MCUB: variants seen among roughly 807,000 people sequenced by gnomAD.
MCUB encodes the protein mitochondrial calcium uniporter dominant negative subunit beta, also known as calcium uniporter regulatory subunit MCUb, mitochondrial.
A neutral mutation model predicts 41.4 loss-of-function variants in MCUB; 46 were observed. The ratio of observed to expected loss-of-function variants is 1.11; its 90% confidence interval spans 0.88 to 1.42. The LOEUF (loss-of-function observed/expected upper bound fraction) is 1.42, where lower values mean the gene tolerates loss of function less well. Among genes scored for constraint, MCUB ranks in the 40% most tolerant of loss-of-function variants. The probability of loss-of-function intolerance (pLI) is 0.00; values close to 1 mark genes in which losing one functional copy is unlikely to be tolerated. For missense variants in MCUB, 403 were observed against 404.9 expected, an observed-to-expected ratio of 1.00 and a Z score of 0.04; for synonymous variants, 148 against 148.2, an observed-to-expected ratio of 1.00 and a Z score of 0.01.
At chr4:109,643,327 G>T (rs1179336186) in intron 1 of MCUB, among the ~76,000 whole-genome samples, 1 of 150,252 alleles carries the variant, frequency 6.7e-6, no homozygotes, top group African/African-American at 2.5e-5. Flanking sequence ...TGGGATTACA[G>T]GTGTGCACTA....
At chr4:109,644,209 G>T (rs1349276000) in intron 1 of MCUB, among the ~76,000 whole-genome samples, 5 of 152,128 alleles carry the variant, frequency 3.3e-5, no homozygotes, top group African/African-American at 1.2e-4. Flanking sequence ...AAATAGAACA[G>T]ATTTTTTCAA....
chr4:109,638,889 AGATT>A (rs1728654090), intron 1 of MCUB, among the ~76,000 whole-genome samples: 2 of 152,148 alleles, frequency 1.3e-5, no homozygotes, highest in South Asian at 4.1e-4. Context: ...TTTTATTATG[AGATT>A]GCAGCAATTC....
chr4:109,618,224 C>T (rs1032529395), intron 1 of MCUB, among the ~76,000 whole-genome samples: 5 of 152,306 alleles, frequency 3.3e-5, no homozygotes, highest in African/African-American at 4.8e-5. Context: ...CCTTCTTCCC[C>T]GCTCTATCTC....
intron 1 of MCUB, among the ~76,000 whole-genome samples, chr4:109,649,463 C>T (rs1029450): frequency 1.3e-5 from 2 of 151,896 alleles, no homozygotes; most frequent in East Asian, 1.9e-4. Flanking sequence ...TTTCAGTAAA[C>T]ATGTTTTAGT....
intron 1 of MCUB, among the ~76,000 whole-genome samples, chr4:109,576,247 A>G (rs61488031): frequency 0.019 from 2,851 of 152,318 alleles, 78 homozygotes; most frequent in African/African-American, 0.064. Context: ...AAATCCTTCT[A>G]TGTAGTCTCC....
chr4:109,618,396 A>G (rs565935818), intron 1 of MCUB, among the ~76,000 whole-genome samples: 26 of 152,282 alleles, frequency 1.7e-4, no homozygotes, highest in African/African-American at 6.0e-4. Context: ...TCACCTCAGT[A>G]ATGCTCTTAC....
At chr4:109,606,210 G>A (rs1054682753) in intron 1 of MCUB, among the ~76,000 whole-genome samples, 1 of 152,018 alleles carries the variant, frequency 6.6e-6, no homozygotes, top group African/African-American at 2.4e-5. Context: ...TCCTGACCTC[G>A]TGATCCACCC....
chr4:109,587,744 A>G (rs578019322), intron 1 of MCUB, among the ~76,000 whole-genome samples: 80 of 152,356 alleles, frequency 5.3e-4, no homozygotes, highest in Non-Finnish European at 7.8e-4. Flanking sequence ...TAAGTGTTGC[A>G]TAAGTATTGA....
intron 4 of MCUB, among the ~76,000 whole-genome samples, chr4:109,668,720 T>C (rs377467421): frequency 3.3e-5 from 5 of 152,068 alleles, no homozygotes; most frequent in African/African-American, 1.2e-4. Flanking sequence ...CCTGTTTTTG[T>C]CTTCCACATT....
At chr4:109,571,593 A>C (rs1172968495) in intron 1 of MCUB, among the ~76,000 whole-genome samples, 2 of 152,200 alleles carry the variant, frequency 1.3e-5, no homozygotes, top group Admixed American at 6.5e-5. Context: ...GATTACAGGC[A>C]TGAGCCACCG....
intron 1 of MCUB, among the ~76,000 whole-genome samples, chr4:109,635,906 GT>G (rs1231054096): frequency 6.7e-6 from 1 of 148,972 alleles, no homozygotes; most frequent in African/African-American, 2.5e-5. Flanking sequence ...TCTAAACTTT[GT>G]TTGTCTTTTA....
At position 109,687,908 on chromosome 4, in the gene MCUB, T is replaced by A; in HGVS notation, c.*316T>A. The A allele has an allele frequency of 4.6e-6, 1 of 218,222 alleles. No individual in the cohort carries two copies. The highest frequency in any genetic ancestry group is 8.9e-6 in the Non-Finnish European group (1 of 112,154). The allele number at this position is 218,222 out of a possible 1,614,324, so 13.5% of individuals were successfully genotyped here. On this transcript the variant is annotated 3_prime_UTR_variant, in exon 8 of 8. Transcript: ENST00000394650. ...TGTGCTTGGCATTCACTTCCATTCT[T>A]AGACTTAATTTGGAATCATCCTTTT...
At chr4:109,634,942 C>T (rs922112048) in intron 1 of MCUB, among the ~76,000 whole-genome samples, 20 of 152,126 alleles carry the variant, frequency 1.3e-4, no homozygotes, top group African/African-American at 3.9e-4. Flanking sequence ...TCCTAATGCT[C>T]TCTCCCCTAG....
At chr4:109,567,848 G>A (rs1167257416) in intron 1 of MCUB, among the ~76,000 whole-genome samples, 7 of 151,878 alleles carry the variant, frequency 4.6e-5, no homozygotes, top group South Asian at 2.1e-4. Context: ...ACAGCCGCCC[G>A]CCACCATGCC....
At chr4:109,599,663 GTTAA>G (rs1476015311) in intron 1 of MCUB, among the ~76,000 whole-genome samples, 1 of 150,392 alleles carries the variant, frequency 6.6e-6, no homozygotes, top group Non-Finnish European at 1.5e-5. Context: ...TTAAAATCAT[GTTAA>G]TATTTATTTA....
chr4:109,622,326 G>GGT (rs1728266150), intron 1 of MCUB, among the ~76,000 whole-genome samples: 1 of 152,068 alleles, frequency 6.6e-6, no homozygotes, highest in Non-Finnish European at 1.5e-5. Flanking sequence ...CACATCCTGT[G>GGT]GTAACCTGTA....
chr4:109,676,490 C>T (rs1338477254), intron 4 of MCUB, among the ~76,000 whole-genome samples: 2 of 152,142 alleles, frequency 1.3e-5, no homozygotes, highest in Non-Finnish European at 2.9e-5. Context: ...TTGCAAAGAA[C>T]TTCTGAGCCC....
rs557688815 is a variant in MCUB at position 109,667,025 on chromosome 4, G to A, written c.451+2631G>A. ...TGAGGATTTTTGTGTCTATATTCAC[G>A]AGAGATATTGGTCTGTGGTTTTGTT... On this transcript the variant is annotated intron_variant, in intron 4 of 7. Coordinates refer to ENST00000394650, the MANE Select transcript of MCUB (RefSeq NM_017918.5). Among the ~76,000 whole-genome samples the A allele has an allele frequency of 2.6e-5, 4 of 152,112 alleles. 1 individual carries two copies. The East Asian group carries it at 7.7e-4, about 29-fold the overall frequency.
At chr4:109,680,292 C>T (rs528658691) in intron 4 of MCUB, among the ~76,000 whole-genome samples, 1 of 152,084 alleles carries the variant, frequency 6.6e-6, no homozygotes. Flanking sequence ...GTTAACAAAC[C>T]CAGATGGCCC....
Sources: allele counts gnomAD v4.1 joint callset (sites outside exome capture counted in the v4.1 genomes callset), GRCh38; gene constraint gnomAD v4.1.1; transcripts MANE v1.5; gene names NCBI Gene and HGNC (gene_info 2026-07-23, HGNC 2026-07-21).